AFG2A: variants seen among roughly 807,000 people sequenced by gnomAD.
AFG2A encodes AAA ATPase AFG2A, also known as ATPase family gene 2 protein homolog A.
At chr4:123,299,829 T>G in the AFG2A span, among the ~76,000 whole-genome samples, 1 of 152,232 alleles carries the variant, frequency 6.6e-6, no homozygotes, top group Non-Finnish European at 1.5e-5. Flanking sequence ...AAATTCACCA[T>G]TAATTCTTCA....
the AFG2A span, among the ~76,000 whole-genome samples, chr4:123,154,119 G>A: frequency 6.6e-6 from 1 of 152,066 alleles, no homozygotes; most frequent in African/African-American, 2.4e-5. Context: ...TGAGGCTGGA[G>A]GAAAATGAAG....
At chr4:123,311,573 G>T in the AFG2A span, among the ~76,000 whole-genome samples, 1 of 143,284 alleles carries the variant, frequency 7.0e-6, no homozygotes, top group African/African-American at 2.6e-5. Flanking sequence ...GTTGCAGGGA[G>T]CCGAGATTAC....
chr4:123,273,631 CTTT>C, the AFG2A span, among the ~76,000 whole-genome samples: 1 of 152,046 alleles, frequency 6.6e-6, no homozygotes. Flanking sequence ...AAATCCAAAA[CTTT>C]TTGAGCACGG....
At chr4:123,239,857 A>T in the AFG2A span, among the ~76,000 whole-genome samples, 1 of 152,222 alleles carries the variant, frequency 6.6e-6, no homozygotes, top group African/African-American at 2.4e-5. Context: ...AATGGGCTAA[A>T]TGCTCCAATT....
At chr4:123,066,028 A>G in the AFG2A span, among the ~76,000 whole-genome samples, 1 of 152,292 alleles carries the variant, frequency 6.6e-6, no homozygotes, top group East Asian at 1.9e-4. Flanking sequence ...GGCACTAGAG[A>G]ATCTATATTA....
the AFG2A span, among the ~76,000 whole-genome samples, chr4:123,183,161 G>C: frequency 6.6e-6 from 1 of 152,156 alleles, no homozygotes; most frequent in East Asian, 1.9e-4. Context: ...GAGTAAGACA[G>C]ATGTGAGTTT....
the AFG2A span, chr4:123,090,793 TAA>T: frequency 6.5e-7 from 1 of 1,532,368 alleles, no homozygotes; most frequent in Admixed American, 1.9e-5. Context: ...AATTACTTTC[TAA>T]TCAGTATTTC....
chr4:123,148,824 A>G, the AFG2A span, among the ~76,000 whole-genome samples: 2 of 146,236 alleles, frequency 1.4e-5, no homozygotes, highest in Non-Finnish European at 3.0e-5. Context: ...GCTGGAGTGC[A>G]GTGGCACGAT....
At chr4:122,937,087 CTG>C in the AFG2A span, among the ~76,000 whole-genome samples, 1 of 152,102 alleles carries the variant, frequency 6.6e-6, no homozygotes, top group Non-Finnish European at 1.5e-5. Flanking sequence ...GAGATCAAGG[CTG>C]TAGTGAGCCA....
At chr4:122,991,803 A>C in the AFG2A span, among the ~76,000 whole-genome samples, 1 of 152,230 alleles carries the variant, frequency 6.6e-6, no homozygotes, top group African/African-American at 2.4e-5. Flanking sequence ...ATGCTCATTT[A>C]ATGTAAATAA....
At chr4:122,928,594 T>C in the AFG2A span, among the ~76,000 whole-genome samples, 1 of 152,228 alleles carries the variant, frequency 6.6e-6, no homozygotes, top group Non-Finnish European at 1.5e-5. Context: ...CATTTAAATC[T>C]GATAAGACCC....
At chr4:123,076,289 GTT>G in the AFG2A span, among the ~76,000 whole-genome samples, 464 of 149,228 alleles carry the variant, frequency 3.1e-3, 3 homozygotes, top group African/African-American at 0.01. Flanking sequence ...TGCATGAAAA[GTT>G]TTTTTTTTCC....
At chr4:123,040,286 A>G in the AFG2A span, among the ~76,000 whole-genome samples, 1 of 152,212 alleles carries the variant, frequency 6.6e-6, no homozygotes, top group African/African-American at 2.4e-5. Flanking sequence ...TATGTCATTG[A>G]CATTTTTGAT....
the AFG2A span, among the ~76,000 whole-genome samples, chr4:123,132,597 CATAT>C: frequency 8.6e-5 from 12 of 140,350 alleles, no homozygotes; most frequent in African/African-American, 2.1e-4. Flanking sequence ...GATGTGTGTA[CATAT>C]ATATATATAT....
At chr4:122,954,591 A>C in the AFG2A span, among the ~76,000 whole-genome samples, 1 of 152,222 alleles carries the variant, frequency 6.6e-6, no homozygotes, top group Admixed American at 6.5e-5. Flanking sequence ...CAAACAGGCT[A>C]CCTGACAAGC....
the AFG2A span, among the ~76,000 whole-genome samples, chr4:123,027,509 T>A: frequency 0.012 from 1,844 of 152,312 alleles, 43 homozygotes; most frequent in African/African-American, 0.041. Context: ...GAACTCCCAA[T>A]GGCCTTTTCA....
the AFG2A span, among the ~76,000 whole-genome samples, chr4:122,946,946 G>A: frequency 2.0e-5 from 3 of 152,064 alleles, no homozygotes; most frequent in African/African-American, 7.2e-5. Context: ...TAAGATGTGA[G>A]AAGTAAGAGA....
At chr4:123,300,001 A>G in the AFG2A span, among the ~76,000 whole-genome samples, 569 of 152,278 alleles carry the variant, frequency 3.7e-3, 6 homozygotes, top group African/African-American at 0.012. Context: ...GTGGCCTGCT[A>G]TTTATTACAG....
At chr4:123,069,014 A>G in the AFG2A span, among the ~76,000 whole-genome samples, 1 of 152,226 alleles carries the variant, frequency 6.6e-6, no homozygotes, top group African/African-American at 2.4e-5. Context: ...GCCGTGCTAA[A>G]AACATTTAAT....
Sources: gnomAD v4.1 joint callset for allele counts (sites outside exome capture counted in the v4.1 genomes callset) on GRCh38, gnomAD v4.1.1 for gene constraint, MANE v1.5 for transcripts, NCBI Gene and HGNC (gene_info 2026-07-23, HGNC 2026-07-21) for gene names.